Variants in ATXN1 observed in about 807,000 individuals in gnomAD.
The protein encoded by ATXN1 is ataxin-1.
Under a neutral mutation model 56.4 loss-of-function variants are expected in ATXN1, and 8 were observed. That is an observed-to-expected ratio of 0.14 (90% CI 0.08 to 0.26). The LOEUF is 0.26. Ranked by LOEUF, ATXN1 falls within the 10% of genes least tolerant of loss-of-function variation. The pLI, the probability that ATXN1 is intolerant of heterozygous loss-of-function variation, is 1.00. For synonymous variants in ATXN1, 514 were observed against 494.6 expected (o/e 1.04, Z -0.52); for missense variants, 987 against 1,106.5 (o/e 0.89, Z 1.53).
At chr6:16,567,752 A>AT (rs1467474546) in intron 4 of ATXN1, among the ~76,000 whole-genome samples, 3 of 152,000 alleles carry the variant, frequency 2.0e-5, no homozygotes, top group African/African-American at 7.2e-5. Flanking sequence ...CAGCAAGAGT[A>AT]TTTTTGTGCA....
At chr6:16,570,104 T>C (rs1452174923) in intron 4 of ATXN1, among the ~76,000 whole-genome samples, 2 of 152,234 alleles carry the variant, frequency 1.3e-5, no homozygotes, top group Admixed American at 6.5e-5. Context: ...TCCTTGCCCA[T>C]TGTACCATCA....
intron 3 of ATXN1, among the ~76,000 whole-genome samples, chr6:16,593,311 G>C (rs1169093389): frequency 2.0e-5 from 3 of 152,128 alleles, no homozygotes; most frequent in African/African-American, 7.2e-5. Context: ...ACTCCTGTGT[G>C]ATCTCAAGCC....
At chr6:16,687,981 G>A (rs2113412152) in intron 2 of ATXN1, among the ~76,000 whole-genome samples, 1 of 152,262 alleles carries the variant, frequency 6.6e-6, no homozygotes, top group East Asian at 1.9e-4. Flanking sequence ...ACCTGTGAAG[G>A]TATGGGACAA....
At chr6:16,655,711 T>A (rs534615284) in intron 3 of ATXN1, among the ~76,000 whole-genome samples, 2,267 of 151,548 alleles carry the variant, frequency 0.015, 27 homozygotes, top group Middle Eastern at 0.065. Context: ...AATAAATAAA[T>A]AAATTAAAAT....
At chr6:16,622,375 G>A (rs1226082282) in intron 3 of ATXN1, among the ~76,000 whole-genome samples, 2 of 152,170 alleles carry the variant, frequency 1.3e-5, no homozygotes, top group African/African-American at 4.8e-5. Context: ...CATGGTGGTG[G>A]TGGTGGTGGT....
intron 6 of ATXN1, among the ~76,000 whole-genome samples, chr6:16,398,208 C>A (rs564756874): frequency 1.3e-5 from 2 of 152,300 alleles, no homozygotes; most frequent in East Asian, 3.9e-4. Flanking sequence ...ATCTAAGCTC[C>A]CTTCCTGCCC....
At chr6:16,609,409 T>C (rs548476792) in intron 3 of ATXN1, among the ~76,000 whole-genome samples, 4 of 152,294 alleles carry the variant, frequency 2.6e-5, no homozygotes, top group African/African-American at 7.2e-5. Flanking sequence ...GGAGTGAAGC[T>C]AGGGTCAGGG....
chr6:16,555,575 T>C (rs1761995893), intron 4 of ATXN1, among the ~76,000 whole-genome samples: 1 of 152,124 alleles, frequency 6.6e-6, no homozygotes, highest in African/African-American at 2.4e-5. Context: ...AAAGAAAGTT[T>C]TGACATGAGA....
intron 6 of ATXN1, among the ~76,000 whole-genome samples, chr6:16,465,365 G>A (rs1001478234): frequency 6.6e-6 from 1 of 152,240 alleles, no homozygotes. Context: ...GCTGAGGCAG[G>A]AGAATTGCTT....
At chr6:16,324,463 A>T (rs1760755484) in intron 7 of ATXN1, among the ~76,000 whole-genome samples, 2 of 152,128 alleles carry the variant, frequency 1.3e-5, no homozygotes, top group South Asian at 4.1e-4. Context: ...TGAAAAAAAA[A>T]AATGCCCAAA....
At chr6:16,741,755 CATTTTAATGTTGTTT>C (rs1176302031) in intron 2 of ATXN1, among the ~76,000 whole-genome samples, 8 of 152,216 alleles carry the variant, frequency 5.3e-5, no homozygotes, top group Non-Finnish European at 1.0e-4. Context: ...GACGTTTCTT[CATTTTAATGTTGTTT>C]ATTACTCACA....
chr6:16,708,753 C>T (rs1022004914), intron 2 of ATXN1, among the ~76,000 whole-genome samples: 4 of 152,128 alleles, frequency 2.6e-5, no homozygotes, highest in Admixed American at 1.3e-4. Flanking sequence ...AAGCCAGGCA[C>T]GGTGTCTCAT....
At chr6:16,443,604 A>G (rs1759567961) in intron 6 of ATXN1, among the ~76,000 whole-genome samples, 1 of 152,158 alleles carries the variant, frequency 6.6e-6, no homozygotes, top group African/African-American at 2.4e-5. Context: ...AACCTTAAAC[A>G]TTTTCAGTAA....
At chr6:16,726,365 AG>A (rs1291909121) in intron 2 of ATXN1, among the ~76,000 whole-genome samples, 1 of 132,062 alleles carries the variant, frequency 7.6e-6, no homozygotes. Flanking sequence ...TGGGTGGCAG[AG>A]CAAGACTCTG....
chr6:16,346,876 G>A (rs922236851), intron 6 of ATXN1, among the ~76,000 whole-genome samples: 2 of 152,252 alleles, frequency 1.3e-5, no homozygotes, highest in Admixed American at 6.5e-5. Context: ...GCGCGGAGGT[G>A]TGGAAGGAGA....
intron 6 of ATXN1, among the ~76,000 whole-genome samples, chr6:16,340,076 T>A (rs1343935027): frequency 6.6e-6 from 1 of 152,188 alleles, no homozygotes; most frequent in Admixed American, 6.5e-5. Context: ...CCACCGCGCC[T>A]GACCATGAAG....
chr6:16,639,503 G>C (rs1763666590), intron 3 of ATXN1, among the ~76,000 whole-genome samples: 1 of 152,118 alleles, frequency 6.6e-6, no homozygotes, highest in Non-Finnish European at 1.5e-5. Flanking sequence ...AGTAGAGATG[G>C]GGTTTCTCCA....
intron 6 of ATXN1, among the ~76,000 whole-genome samples, chr6:16,435,029 G>C (rs1759359631): frequency 6.6e-6 from 1 of 152,110 alleles, no homozygotes; most frequent in South Asian, 2.1e-4. Context: ...TGCATCAGTA[G>C]GACTTGGTGA....
At chr6:16,751,925 A>G (rs1275227932) in intron 2 of ATXN1, among the ~76,000 whole-genome samples, 1 of 152,162 alleles carries the variant, frequency 6.6e-6, no homozygotes, top group Non-Finnish European at 1.5e-5. Context: ...GCAGCCCTAT[A>G]AGAAAGTTCT....
Sources: gnomAD v4.1 joint callset for allele counts (sites outside exome capture counted in the v4.1 genomes callset) on GRCh38, gnomAD v4.1.1 for gene constraint, MANE v1.5 for transcripts, NCBI Gene and HGNC (gene_info 2026-07-23, HGNC 2026-07-21) for gene names.